LOC400499: variants seen among roughly 807,000 people sequenced by gnomAD.
At chr16:11,475,343 A>G in the LOC400499 span, among the ~76,000 whole-genome samples, 1 of 151,762 alleles carries the variant, frequency 6.6e-6, no homozygotes, top group Admixed American at 6.6e-5. Flanking sequence ...AATAATAAAT[A>G]AACAAATAAA....
At chr16:11,430,805 G>A in the LOC400499 span, among the ~76,000 whole-genome samples, 2 of 152,206 alleles carry the variant, frequency 1.3e-5, no homozygotes, top group African/African-American at 2.4e-5. Flanking sequence ...GCTCTGACAA[G>A]TCCTGCATAA....
the LOC400499 span, chr16:11,390,389 C>T: frequency 2.4e-6 from 3 of 1,239,468 alleles, no homozygotes; most frequent in Non-Finnish European, 3.0e-6. Flanking sequence ...GCCTCCTCTG[C>T]TCGCTCCCGC....
At chr16:11,378,243 TTTTTTTTC>T in the LOC400499 span, among the ~76,000 whole-genome samples, 1 of 144,708 alleles carries the variant, frequency 6.9e-6, no homozygotes, top group African/African-American at 2.6e-5. Context: ...GGCTGCTGCT[TTTTTTTTC>T]TTTTTTTTTT....
At chr16:11,499,515 G>C in the LOC400499 span, among the ~76,000 whole-genome samples, 3 of 152,024 alleles carry the variant, frequency 2.0e-5, no homozygotes, top group Admixed American at 6.5e-5. Context: ...CTGAGTCAGT[G>C]CCTGATTCTT....
At chr16:11,502,727 G>A in the LOC400499 span, among the ~76,000 whole-genome samples, 1,201 of 150,358 alleles carry the variant, frequency 8.0e-3, 10 homozygotes, top group Admixed American at 0.013. Context: ...CGATTCTCCC[G>A]CCTCAGCCTC....
the LOC400499 span, among the ~76,000 whole-genome samples, chr16:11,403,841 G>T: frequency 6.6e-6 from 1 of 152,126 alleles, no homozygotes; most frequent in African/African-American, 2.4e-5. Flanking sequence ...CACCACAACT[G>T]CCCAGGGATG....
At chr16:11,372,709 G>C in the LOC400499 span, 1,005 of 977,184 alleles carry the variant, frequency 1.0e-3, 7 homozygotes, top group African/African-American at 0.017. Flanking sequence ...AAGTCTGGCA[G>C]CCTAGTGCTG....
the LOC400499 span, among the ~76,000 whole-genome samples, chr16:11,422,473 A>G: frequency 6.6e-6 from 1 of 152,200 alleles, no homozygotes; most frequent in African/African-American, 2.4e-5. Context: ...AAAACGAAGC[A>G]AAGGAAAAGA....
chr16:11,399,429 C>T, the LOC400499 span: 8 of 422,578 alleles, frequency 1.9e-5, no homozygotes, highest in African/African-American at 8.2e-5. Flanking sequence ...CAGGTGGAGC[C>T]GCCTGGGGGT....
chr16:11,471,581 G>T, the LOC400499 span: 1 of 398,924 alleles, frequency 2.5e-6, no homozygotes, highest in South Asian at 1.3e-4. Context: ...ACGTCCTTTA[G>T]GGTGAGCCCA....
At chr16:11,459,877 C>A in the LOC400499 span, 3 of 1,350,008 alleles carry the variant, frequency 2.2e-6, no homozygotes, top group Non-Finnish European at 2.9e-6. Context: ...CACGGCTCTG[C>A]CGCAGTGGCC....
the LOC400499 span, chr16:11,461,046 C>T: frequency 2.0e-5 from 30 of 1,536,044 alleles, 1 homozygote; most frequent in Non-Finnish European, 2.4e-5. Context: ...GAAGCCCCAC[C>T]AGCCCTGGCA....
chr16:11,454,480 CACAG>C, the LOC400499 span, among the ~76,000 whole-genome samples: 1 of 152,194 alleles, frequency 6.6e-6, no homozygotes, highest in African/African-American at 2.4e-5. Context: ...AAAATCTGGA[CACAG>C]ACACACACAC....
chr16:11,420,450 G>A, the LOC400499 span, among the ~76,000 whole-genome samples: 2 of 129,982 alleles, frequency 1.5e-5, no homozygotes, highest in Admixed American at 1.5e-4. Flanking sequence ...GTTGTGGGGT[G>A]GGGGGAGGGG....
At chr16:11,399,304 G>C in the LOC400499 span, 4 of 936,776 alleles carry the variant, frequency 4.3e-6, no homozygotes, top group Non-Finnish European at 5.1e-6. Context: ...AGTTAGGAAG[G>C]GAACCATTTC....
At chr16:11,384,601 C>CCT in the LOC400499 span, among the ~76,000 whole-genome samples, 3 of 152,350 alleles carry the variant, frequency 2.0e-5, no homozygotes, top group East Asian at 5.8e-4. Flanking sequence ...CCAGGCCCTT[C>CCT]CTTTGTGTTC....
chr16:11,439,615 G>T, the LOC400499 span: 5 of 398,960 alleles, frequency 1.3e-5, no homozygotes, highest in Non-Finnish European at 2.2e-5. Context: ...GGGTCAGAGG[G>T]AACAGAGAGA....
chr16:11,386,259 G>C, the LOC400499 span, among the ~76,000 whole-genome samples: 19 of 152,130 alleles, frequency 1.2e-4, no homozygotes, highest in Middle Eastern at 3.2e-3. Flanking sequence ...TGGGGGTGGG[G>C]GTGCCCTTGC....
At chr16:11,509,346 C>T in the LOC400499 span, among the ~76,000 whole-genome samples, 1 of 150,682 alleles carries the variant, frequency 6.6e-6, no homozygotes, top group African/African-American at 2.4e-5. Context: ...TCTCAATCTC[C>T]TGACCTTGTG....
Sources: gnomAD v4.1 joint callset for allele counts (sites outside exome capture counted in the v4.1 genomes callset) on GRCh38, gnomAD v4.1.1 for gene constraint, MANE v1.5 for transcripts.